The following FGF12 variants were observed in gnomAD, a reference collection of about 807,000 sequenced individuals.
FGF12 encodes fibroblast growth factor 12.
A neutral mutation model predicts 23.6 loss-of-function variants in FGF12; 14 were observed. That is an observed-to-expected ratio of 0.59 (90% CI 0.39 to 0.93). FGF12 has a LOEUF of 0.93. Ranked by LOEUF, FGF12 falls within the 40% of genes least tolerant of loss-of-function variation. FGF12 has a pLI of 0.00. For missense variants in FGF12, 175 were observed against 217.8 expected (o/e 0.80, Z 1.24); for synonymous variants, 62 against 77.3 (o/e 0.80, Z 1.04).
intron 2 of FGF12, among the ~76,000 whole-genome samples, chr3:192,606,435 T>C (rs1272570377): frequency 6.6e-6 from 1 of 152,106 alleles, no homozygotes; most frequent in African/African-American, 2.4e-5. Context: ...TGTTCAGTAC[T>C]TGGGTGATGG....
intron 5 of FGF12, among the ~76,000 whole-genome samples, chr3:192,161,935 C>T (rs1714905959): frequency 6.6e-6 from 1 of 152,052 alleles, no homozygotes; most frequent in Admixed American, 6.6e-5. Context: ...TGGAGTTGTT[C>T]TGACAAATTC....
At chr3:192,324,239 C>T (rs974259909) in intron 4 of FGF12, among the ~76,000 whole-genome samples, 1 of 152,004 alleles carries the variant, frequency 6.6e-6, no homozygotes, top group Non-Finnish European at 1.5e-5. Flanking sequence ...GAGCCTGAAG[C>T]TAATTTGCCC....
intron 2 of FGF12, among the ~76,000 whole-genome samples, chr3:192,444,387 T>C (rs2108798299): frequency 6.6e-6 from 1 of 152,270 alleles, no homozygotes; most frequent in Non-Finnish European, 1.5e-5. Flanking sequence ...TGCTTTTGAC[T>C]CAGCCCTCTT....
chr3:192,669,372 A>G (rs913703072), intron 2 of FGF12, among the ~76,000 whole-genome samples: 1 of 151,918 alleles, frequency 6.6e-6, no homozygotes, highest in Non-Finnish European at 1.5e-5. Flanking sequence ...CGGATCATGA[A>G]GTCAAGAGAT....
At chr3:192,182,506 AT>A (rs1462932441) in intron 4 of FGF12, among the ~76,000 whole-genome samples, 1 of 152,154 alleles carries the variant, frequency 6.6e-6, no homozygotes, top group Non-Finnish European at 1.5e-5. Flanking sequence ...CCTCTGAAAA[AT>A]TACTGAAGGA....
At chr3:192,158,332 CTCTTTCTTTCTTTCTT>C (rs375016082) in intron 5 of FGF12, among the ~76,000 whole-genome samples, 6,012 of 112,334 alleles carry the variant, frequency 0.054, 248 homozygotes, top group Middle Eastern at 0.1. Context: ...TTCTTTCTTT[CTCTTTCTTTCTTTCTT>C]TCTTTCTTTC....
In FGF12 at chr3:192,581,411, T is replaced by C. The variant is rs138167058; in HGVS notation, c.13+145770A>G. ...GATGAGACCTCACCTCTCTAAAATA[T>C]ATATATATGTGTGTGTATATATATA... On this transcript the variant is annotated intron_variant, in intron 2 of 5. Coordinates refer to ENST00000445105, the MANE Select transcript of FGF12 (RefSeq NM_004113.6). Among the ~76,000 whole-genome samples the C allele has an allele frequency of 2.8e-3, 422 of 150,540 alleles. 2 individuals carry two copies. Among genetic ancestry groups the C allele is most frequent in the Admixed American group, 5.2e-3 (79 of 15,064 alleles).
intron 2 of FGF12, among the ~76,000 whole-genome samples, chr3:192,545,669 G>C (rs1397297953): frequency 6.6e-6 from 1 of 152,152 alleles, no homozygotes; most frequent in Admixed American, 6.5e-5. Flanking sequence ...TATCCAGAGG[G>C]TTCTTTTATG....
intron 2 of FGF12, among the ~76,000 whole-genome samples, chr3:192,414,070 A>G (rs1721274864): frequency 6.6e-6 from 1 of 152,206 alleles, no homozygotes; most frequent in African/African-American, 2.4e-5. Flanking sequence ...ATCTTCCAAA[A>G]CAGAAAAGAG....
At chr3:192,614,124 T>C (rs1714658614) in intron 2 of FGF12, among the ~76,000 whole-genome samples, 1 of 152,002 alleles carries the variant, frequency 6.6e-6, no homozygotes, top group South Asian at 2.1e-4. Flanking sequence ...GTGTGTTCAA[T>C]GTAGCACTCT....
At chr3:192,486,259 T>TTTACACTTGAGGATACACAAGTAG (rs1225242391) in intron 2 of FGF12, among the ~76,000 whole-genome samples, 1 of 152,152 alleles carries the variant, frequency 6.6e-6, no homozygotes, top group Non-Finnish European at 1.5e-5. Flanking sequence ...CCTCAAGTAG[T>TTTACACTTGAGGATACACAAGTAG]TTACACTCAA....
intron 4 of FGF12, among the ~76,000 whole-genome samples, chr3:192,295,898 T>G (rs1329785349): frequency 1.3e-5 from 2 of 151,852 alleles, no homozygotes; most frequent in Non-Finnish European, 1.5e-5. Flanking sequence ...TTTTATTTTT[T>G]TTGAGACAAG....
intron 4 of FGF12, among the ~76,000 whole-genome samples, chr3:192,266,395 C>T (rs1002379249): frequency 6.6e-6 from 1 of 152,046 alleles, no homozygotes; most frequent in African/African-American, 2.4e-5. Flanking sequence ...AATGAACAAC[C>T]AACTGGGGGT....
At chr3:192,379,876 T>A (rs182262975) in intron 2 of FGF12, among the ~76,000 whole-genome samples, 1 of 152,198 alleles carries the variant, frequency 6.6e-6, no homozygotes. Flanking sequence ...AGATCTTTTT[T>A]ACCTCTTTTG....
intron 4 of FGF12, among the ~76,000 whole-genome samples, chr3:192,236,360 G>C (rs1278747392): frequency 6.6e-6 from 1 of 152,142 alleles, no homozygotes; most frequent in Non-Finnish European, 1.5e-5. Context: ...GTATTCTCTA[G>C]ATGTCTCCGA....
At position 192,158,371 on chromosome 3, in the gene FGF12, T is replaced by TTTCTTTCTTTCTTTCTTTCTTTC. The variant is rs1560171443; in HGVS notation, c.427+12086_427+12087insGAAAGAAAGAAAGAAAGAAAGAA. ...CTTTCTTTCTTTCTTTCTTTCTTTC[T>TTTCTTTCTTTCTTTCTTTCTTTC]TTCTTTCTTTCTTTTCTTTCTCTCT... On this transcript the variant is annotated intron_variant, in intron 5 of 5. Transcript: ENST00000445105. Among the ~76,000 whole-genome samples the TTTCTTTCTTTCTTTCTTTCTTTC allele has an allele frequency of 9.5e-4, 113 of 119,064 alleles. 2 individuals are homozygous for TTTCTTTCTTTCTTTCTTTCTTTC. Among genetic ancestry groups the TTTCTTTCTTTCTTTCTTTCTTTC allele is most frequent in the Non-Finnish European group, 7.0e-4 (39 of 55,348 alleles). 78.1% of individuals were successfully genotyped at this position (119,064 alleles called of 152,430 possible).
chr3:192,303,272 G>A (rs1409363907), intron 4 of FGF12, among the ~76,000 whole-genome samples: 2 of 152,168 alleles, frequency 1.3e-5, no homozygotes, highest in African/African-American at 4.8e-5. Context: ...ATCAACATCA[G>A]AGATTTTGTC....
chr3:192,373,407 T>G (rs1397251936), intron 2 of FGF12, among the ~76,000 whole-genome samples: 1 of 152,058 alleles, frequency 6.6e-6, no homozygotes, highest in Non-Finnish European at 1.5e-5. Flanking sequence ...TGAGGGACTC[T>G]CAGGTCAAGA....
intron 2 of FGF12, among the ~76,000 whole-genome samples, chr3:192,725,140 C>T (rs1005087353): frequency 1.3e-5 from 2 of 152,184 alleles, no homozygotes; most frequent in Non-Finnish European, 2.9e-5. Flanking sequence ...AAGTTAGCTA[C>T]CATCGTTAGC....
Sources: gnomAD v4.1 joint callset for allele counts (sites outside exome capture counted in the v4.1 genomes callset) on GRCh38, gnomAD v4.1.1 for gene constraint, MANE v1.5 for transcripts, NCBI Gene and HGNC (gene_info 2026-07-23, HGNC 2026-07-21) for gene names.